The following ATP6V1A variants were observed in gnomAD, a reference collection of about 807,000 sequenced individuals.
ATP6V1A encodes V-type proton ATPase catalytic subunit A.
In ATP6V1A, 18 loss-of-function variants were observed where a neutral mutation model predicts 70.1. The observed-to-expected ratio is 0.26, with a 90% CI of 0.18 to 0.38. The LOEUF is 0.38. Ranked by LOEUF, ATP6V1A falls within the 10% of genes least tolerant of loss-of-function variation. The pLI, the probability that ATP6V1A is intolerant of heterozygous loss-of-function variation, is 1.00. For missense variants in ATP6V1A, 424 were observed against 772.4 expected (o/e 0.55, Z 5.35); for synonymous variants, 232 against 253.8 (o/e 0.91, Z 0.82).
intron 1 of ATP6V1A, among the ~76,000 whole-genome samples, chr3:113,756,331 A>C (rs1355366007): frequency 1.3e-5 from 2 of 152,232 alleles, no homozygotes; most frequent in African/African-American, 4.8e-5. Context: ...TATTTTGTTA[A>C]TAGAACATTT....
At chr3:113,783,677 C>T (rs964944465) in intron 3 of ATP6V1A, among the ~76,000 whole-genome samples, 7 of 152,158 alleles carry the variant, frequency 4.6e-5, no homozygotes, top group African/African-American at 1.7e-4. Context: ...GACATATTGT[C>T]AGACACCACA....
At chr3:113,795,500 T>A (rs983357374) in intron 10 of ATP6V1A, among the ~76,000 whole-genome samples, 1 of 151,750 alleles carries the variant, frequency 6.6e-6, no homozygotes, top group Admixed American at 6.6e-5. Flanking sequence ...TAAGGTGAGA[T>A]TGCATCACGG....
At chr3:113,755,811 C>G (rs1708641863) in intron 1 of ATP6V1A, among the ~76,000 whole-genome samples, 1 of 152,184 alleles carries the variant, frequency 6.6e-6, no homozygotes. Flanking sequence ...TTATTCTTTT[C>G]TTCCCCCATA....
At chr3:113,752,114 C>T (rs1320352720) in intron 1 of ATP6V1A, among the ~76,000 whole-genome samples, 6 of 151,796 alleles carry the variant, frequency 4.0e-5, no homozygotes, top group African/African-American at 1.4e-4. Flanking sequence ...AAAATTTTAT[C>T]TGCAACATGC....
chr3:113,789,981 T>G, intron 8 of ATP6V1A, 141 bp downstream of exon 8: 1 of 620,112 alleles, frequency 1.6e-6, no homozygotes, highest in South Asian at 2.2e-5. Context: ...TAAAAAATAT[T>G]TTACTTGGCC....
intron 14 of ATP6V1A, among the ~76,000 whole-genome samples, chr3:113,806,442 A>G (rs1709276797): frequency 1.3e-5 from 2 of 151,440 alleles, no homozygotes; most frequent in Non-Finnish European, 1.5e-5. Context: ...TTTAAATATC[A>G]TGTACTGCAG....
chr3:113,766,854 T>TA (rs1332824447), intron 1 of ATP6V1A, among the ~76,000 whole-genome samples: 1 of 152,176 alleles, frequency 6.6e-6, no homozygotes, highest in Non-Finnish European at 1.5e-5. Flanking sequence ...GCCTAATAGC[T>TA]AAAGGTGAAA....
At chr3:113,795,508 C>T (rs776335210) in intron 10 of ATP6V1A, among the ~76,000 whole-genome samples, 12 of 151,514 alleles carry the variant, frequency 7.9e-5, no homozygotes, top group Non-Finnish European at 1.2e-4. Flanking sequence ...GATTGCATCA[C>T]GGTAAAAAGA....
chr3:113,804,900 G>A (rs2108045553), intron 13 of ATP6V1A, among the ~76,000 whole-genome samples: 1 of 152,318 alleles, frequency 6.6e-6, no homozygotes. Context: ...ACTAACTTCA[G>A]GAACTTGCAG....
At chr3:113,772,217 C>T (rs1577085335) in intron 1 of ATP6V1A, among the ~76,000 whole-genome samples, 1 of 152,176 alleles carries the variant, frequency 6.6e-6, no homozygotes, top group South Asian at 2.1e-4. Context: ...TGAATGCAGG[C>T]AAGGCAGCAC....
At chr3:113,783,231 T>C (rs1290512237) in intron 3 of ATP6V1A, among the ~76,000 whole-genome samples, 1 of 152,198 alleles carries the variant, frequency 6.6e-6, no homozygotes, top group Non-Finnish European at 1.5e-5. Context: ...TAGTTTTTGG[T>C]TGTTATAAAC....
intron 1 of ATP6V1A, among the ~76,000 whole-genome samples, chr3:113,754,364 A>G (rs1184760583): frequency 1.3e-5 from 2 of 151,964 alleles, no homozygotes; most frequent in African/African-American, 2.4e-5. Context: ...TCTACCAGTA[A>G]AAACTAAAAA....
intron 14 of ATP6V1A, 74 bp from the exon 15 acceptor site, chr3:113,809,261 A>C: frequency 7.1e-7 from 1 of 1,401,020 alleles, no homozygotes; most frequent in Non-Finnish European, 9.9e-7. Context: ...CCTCCAAAAA[A>C]AAAAAAGTAA....
Position 113,795,361 on chromosome 3 carries a change from T to C in ATP6V1A, c.1226+157T>C, listed in dbSNP as rs957793505. On this transcript the variant is annotated intron_variant, in intron 10 of 14. Coordinates refer to ENST00000273398, the MANE Select transcript of ATP6V1A (RefSeq NM_001690.4). ...CACTCCAGAGTCACCTAAGGAGCTCTTTGAAGATGCACATGTTTAGGCAAT... is the reference window on the plus strand; with the variant it reads ...CACTCCAGAGTCACCTAAGGAGCTCCTTGAAGATGCACATGTTTAGGCAAT... 2.0e-4 allele frequency among the ~76,000 whole-genome samples: 30 copies of C among 152,142 alleles called. 1 individual carries two copies. Among genetic ancestry groups the C allele is most frequent in the Admixed American group, 3.9e-4 (6 of 15,280 alleles).
chr3:113,802,665 A>AC (rs1553711227), intron 12 of ATP6V1A: 3 of 148,118 alleles, frequency 2.0e-5, no homozygotes, highest in African/African-American at 7.5e-5. Flanking sequence ...TTTGTTTGGG[A>AC]TTTTTTTTTG....
intron 1 of ATP6V1A, among the ~76,000 whole-genome samples, chr3:113,765,878 GA>G (rs1708764501): frequency 6.6e-6 from 1 of 151,916 alleles, no homozygotes; most frequent in Non-Finnish European, 1.5e-5. Context: ...AGTGAGCCGA[GA>G]TCGCACCACT....
At chr3:113,775,288 G>A (rs543480067) in intron 1 of ATP6V1A, among the ~76,000 whole-genome samples, 83 of 147,912 alleles carry the variant, frequency 5.6e-4, no homozygotes, top group Non-Finnish European at 9.8e-4. Flanking sequence ...GGAATGCAGT[G>A]GTGCAGTCTT....
In ATP6V1A at chr3:113,757,550, A is replaced by G. The variant is rs370337475; in HGVS notation, c.-14+10437A>G. ...TAATATTTTCCTAAATTCTCATTCA[A>G]CATATTGTAAGCTGATATGCCATTA... is the stretch of plus-strand genomic sequence containing the variant. On this transcript the variant is annotated intron_variant, in intron 1 of 14. Transcript: ENST00000273398. Among the ~76,000 whole-genome samples the G allele has an allele frequency of 9.2e-5, 14 of 152,304 alleles. No homozygotes were observed. In the East Asian group the frequency reaches 1.7e-3, roughly 19 times the overall value.
intron 1 of ATP6V1A, among the ~76,000 whole-genome samples, chr3:113,753,092 G>T (rs1708605444): frequency 6.6e-6 from 1 of 152,096 alleles, no homozygotes; most frequent in Non-Finnish European, 1.5e-5. Flanking sequence ...TAACAGATGA[G>T]TTAACCATTG....
Sources: gnomAD v4.1 joint callset for allele counts (sites outside exome capture counted in the v4.1 genomes callset) on GRCh38, gnomAD v4.1.1 for gene constraint, MANE v1.5 for transcripts, NCBI Gene and HGNC (gene_info 2026-07-23, HGNC 2026-07-21) for gene names.